GFOD1: variants seen among roughly 807,000 people sequenced by gnomAD.
The protein encoded by GFOD1 is glucose-fructose oxidoreductase domain-containing protein 1.
Under a neutral mutation model 25.4 loss-of-function variants are expected in GFOD1, and 9 were observed. The observed-to-expected ratio is 0.35, with a 90% CI of 0.21 to 0.62. The LOEUF (loss-of-function observed/expected upper bound fraction) is 0.62, where lower values mean the gene tolerates loss of function less well. GFOD1 is among the 20% of genes least tolerant of loss of function. The pLI is 0.72. For synonymous variants in GFOD1, 253 were observed against 245.6 expected, an observed-to-expected ratio of 1.03 and a Z score of -0.28; for missense variants, 403 against 556.9, an observed-to-expected ratio of 0.72 and a Z score of 2.78.
At position 13,364,507 on chromosome 6, in the gene GFOD1, T is replaced by A. The variant is rs1424005623; in HGVS notation, c.*236A>T. 1.8e-6 allele frequency: 1 copy of A among 562,646 alleles called. No homozygotes were observed. The allele number at this position is 562,646 out of a possible 1,614,324, so 34.9% of individuals were successfully genotyped here. Reference sequence around the variant, plus strand: ...TCGTGCAAATACCCAGCAGGGATCATCCCAGGAATGGCAGGCTCTCCTGAA... The same window carrying A: ...TCGTGCAAATACCCAGCAGGGATCAACCCAGGAATGGCAGGCTCTCCTGAA... On this transcript the variant is annotated 3_prime_UTR_variant, in exon 2 of 2. Transcript: ENST00000379287. This position sits in a 1 kb window ranked among gnomAD's most constrained non-coding sequence, Gnocchi z 4.1.
In GFOD1 at chr6:13,365,259, G is replaced by A; in HGVS notation, c.657C>T (p.Asp219=). The change falls in exon 2 of 2, where the codon GAC becomes GAT. Residue 219 remains aspartate, a synonymous_variant. Transcript: ENST00000379287. This position sits in a 1 kb window ranked among gnomAD's most constrained non-coding sequence, Gnocchi z 9.2. ...CCAGCACCATCTGGAAGGTGCAGAAGTCATCGCTGGTGATCTGTCGGATGC... is the reference window on the plus strand; with the variant it reads ...CCAGCACCATCTGGAAGGTGCAGAAATCATCGCTGGTGATCTGTCGGATGC... ...IKGIRQITSD[D]FCTFQMVLEG... is the part of the protein sequence containing the mutation. 1.2e-6 allele frequency: 2 copies of A among 1,614,230 alleles called. No homozygotes were observed. Among genetic ancestry groups the A allele is most frequent in the South Asian group, 1.1e-5 (1 of 91,092 alleles).
At chr6:13,386,557 C>T (rs1202887886) in intron 1 of GFOD1, among the ~76,000 whole-genome samples, 1 of 152,208 alleles carries the variant, frequency 6.6e-6, no homozygotes, top group Non-Finnish European at 1.5e-5. Context: ...TCATTGGCTC[C>T]TGCACCAGTG....
chr6:13,455,604 T>G (rs1758174413), intron 1 of GFOD1, among the ~76,000 whole-genome samples: 1 of 152,214 alleles, frequency 6.6e-6, no homozygotes, highest in Non-Finnish European at 1.5e-5. Context: ...GCCCTGCTAC[T>G]GCCTGTCAGC....
chr6:13,420,634 C>T (rs1261799941), intron 1 of GFOD1, among the ~76,000 whole-genome samples: 2 of 152,202 alleles, frequency 1.3e-5, no homozygotes, highest in African/African-American at 4.8e-5. Context: ...CAGTGAAAAC[C>T]CAGTCAAGAG....
intron 1 of GFOD1, among the ~76,000 whole-genome samples, chr6:13,483,319 G>A (rs1279842429): frequency 6.6e-6 from 1 of 152,130 alleles, no homozygotes; most frequent in Non-Finnish European, 1.5e-5. Context: ...ACAGAGACCT[G>A]GACATGTGCG....
At chr6:13,469,743 A>G in intron 1 of GFOD1, 9 of 1,167,676 alleles carry the variant, frequency 7.7e-6, no homozygotes, top group South Asian at 1.6e-5. Flanking sequence ...TGAAAATAAT[A>G]CATGTCACAG....
At chr6:13,485,768 T>G (rs1028482336) in intron 1 of GFOD1, among the ~76,000 whole-genome samples, 19 of 152,332 alleles carry the variant, frequency 1.2e-4, no homozygotes, top group African/African-American at 4.6e-4. Context: ...AAACTATTCC[T>G]GAAGGCGATT....
chr6:13,441,523 G>A (rs1278203987), intron 1 of GFOD1, among the ~76,000 whole-genome samples: 1 of 152,224 alleles, frequency 6.6e-6, no homozygotes, highest in Non-Finnish European at 1.5e-5. Context: ...TGGTAAGATA[G>A]TAGATTTTGA....
chr6:13,466,559 T>A (rs1284395281), intron 1 of GFOD1, among the ~76,000 whole-genome samples: 1 of 152,146 alleles, frequency 6.6e-6, no homozygotes, highest in African/African-American at 2.4e-5. Flanking sequence ...CTCAATCACC[T>A]CCCTCCCTGT....
At chr6:13,374,273 T>TTTTTTGTGTG (rs1554199406) in intron 1 of GFOD1, among the ~76,000 whole-genome samples, 2 of 134,388 alleles carry the variant, frequency 1.5e-5, no homozygotes, top group African/African-American at 5.8e-5. Flanking sequence ...TGTTTTTTTT[T>TTTTTTGTGTG]TGTGTGTGTG....
At chr6:13,422,447 C>A (rs1243910362) in intron 1 of GFOD1, among the ~76,000 whole-genome samples, 1 of 152,200 alleles carries the variant, frequency 6.6e-6, no homozygotes. Flanking sequence ...CAGAGAGTGT[C>A]CATTTTCTCC....
chr6:13,435,783 G>A (rs538120121), intron 1 of GFOD1, among the ~76,000 whole-genome samples: 14 of 152,290 alleles, frequency 9.2e-5, no homozygotes, highest in Admixed American at 7.2e-4. Flanking sequence ...TGCTGTTCTT[G>A]ACTAATAAAT....
chr6:13,393,786 T>C (rs901138132), intron 1 of GFOD1, among the ~76,000 whole-genome samples: 17 of 146,036 alleles, frequency 1.2e-4, no homozygotes, highest in African/African-American at 4.2e-4. Flanking sequence ...TTTTCTTTTT[T>C]TTTTTTTTTT....
chr6:13,469,257 T>C (rs563089995), intron 1 of GFOD1: 3 of 985,524 alleles, frequency 3.0e-6, no homozygotes, highest in African/African-American at 1.7e-5. Flanking sequence ...GAGGAATACA[T>C]CACACTCGCC....
Position 13,486,985 on chromosome 6 carries a change from T to G in GFOD1, c.-95A>C. 1 of 1,408,158 alleles carries G rather than the reference T, an allele frequency of 7.1e-7. No individual in the cohort carries two copies. The highest frequency in any genetic ancestry group is 9.5e-7 in the Non-Finnish European group (1 of 1,051,380). 87.2% of individuals were successfully genotyped at this position (1,408,158 alleles called of 1,614,324 possible). On this transcript the variant is annotated 5_prime_UTR_variant, in exon 1 of 2. Transcript: ENST00000379287. Reference sequence around the variant, plus strand: ...TAGCCAGTCCTGCACCCCGCTCCTGTAGCCAATCTAGCCGCGGTGCGCCAG... The same window carrying G: ...TAGCCAGTCCTGCACCCCGCTCCTGGAGCCAATCTAGCCGCGGTGCGCCAG...
rs930801288 is a variant in GFOD1, at chr6:13,365,757, AAAG to A, written c.254-98_254-96del. 2.6e-5 allele frequency: 25 copies of A among 978,944 alleles called. No homozygotes were observed. Among genetic ancestry groups the A allele is most frequent in the Non-Finnish European group, 3.8e-5 (25 of 662,174 alleles). The allele number at this position is 978,944 out of a possible 1,614,324, so 60.6% of individuals were successfully genotyped here. A position where few individuals can be genotyped will look rare whatever the true frequency, so the allele number is the denominator to read the frequency against. ...CTTAAAATATTTCACATTAATAGAA[AAAG>A]AAGGTCAGATGTGGTGGCTCATGCC... On this transcript the variant is annotated intron_variant, in intron 1 of 1. Coordinates refer to ENST00000379287, the MANE Select transcript of GFOD1 (RefSeq NM_018988.4). This position sits in a 1 kb window ranked among gnomAD's most constrained non-coding sequence, Gnocchi z 9.2.
At chr6:13,390,330 C>T (rs999900645) in intron 1 of GFOD1, among the ~76,000 whole-genome samples, 2 of 152,110 alleles carry the variant, frequency 1.3e-5, no homozygotes, top group Non-Finnish European at 2.9e-5. Context: ...GTGGCTCAGG[C>T]CTGTAATCCC....
chr6:13,365,683 G>A lies in GFOD1; in HGVS notation c.254-21C>T. 1 of 1,545,670 alleles carries A rather than the reference G, an allele frequency of 6.5e-7. No individual in the cohort carries two copies. The highest frequency in any genetic ancestry group is 1.7e-5 in the Admixed American group (1 of 59,562). The stretch of plus-strand genomic sequence containing the variant: ...GATGCCTGCGGGTGGGAGGAAGACA[G>A]CGGTCAGCGGGGCAGGACCATGTCC... On this transcript the variant is annotated intron_variant, in intron 1 of 1. Coordinates refer to ENST00000379287, the MANE Select transcript of GFOD1 (RefSeq NM_018988.4). This position sits in a 1 kb window ranked among gnomAD's most constrained non-coding sequence, Gnocchi z 9.2.
Position 13,422,421 on chromosome 6 carries a change from T to C in GFOD1, c.254-56759A>G, listed in dbSNP as rs553756041. Among the ~76,000 whole-genome samples the C allele has an allele frequency of 2.6e-5, 4 of 152,152 alleles. No homozygotes were observed. The South Asian group carries it at 8.3e-4, about 32-fold the overall frequency. ...AGGGTCCACCAAGTGACACTTAGTG[T>C]CCCCAAGATGCTACACAGAGAGTGT... is the stretch of plus-strand genomic sequence containing the variant. On this transcript the variant is annotated intron_variant, in intron 1 of 1. Coordinates refer to ENST00000379287, the MANE Select transcript of GFOD1 (RefSeq NM_018988.4).
Sources: allele counts gnomAD v4.1 joint callset (sites outside exome capture counted in the v4.1 genomes callset), GRCh38; gene constraint gnomAD v4.1.1; non-coding constraint Gnocchi (gnomAD v3.1); transcripts MANE v1.5; gene names NCBI Gene and HGNC (gene_info 2026-07-23, HGNC 2026-07-21).